VPS8: variants seen among roughly 807,000 people sequenced by gnomAD.
VPS8 encodes the protein VPS8 subunit of CORVET complex.
Under a neutral mutation model 216.4 loss-of-function variants are expected in VPS8, and 129 were observed. That is an observed-to-expected ratio of 0.60 (90% CI 0.52 to 0.69). The LOEUF (loss-of-function observed/expected upper bound fraction) is 0.69, where lower values mean the gene tolerates loss of function less well. Ranked by LOEUF, VPS8 falls within the 30% of genes least tolerant of loss-of-function variation. The pLI is 0.00. For synonymous variants in VPS8, 571 were observed against 565.4 expected (o/e 1.01, Z -0.14); for missense variants, 1,531 against 1,683.5 (o/e 0.91, Z 1.59).
At chr3:184,825,210 A>G (rs934513760) in intron 2 of VPS8, among the ~76,000 whole-genome samples, 1 of 152,126 alleles carries the variant, frequency 6.6e-6, no homozygotes, top group South Asian at 2.1e-4. Flanking sequence ...TGTATAGTCC[A>G]TTACAGTTTA....
intron 4 of VPS8, among the ~76,000 whole-genome samples, chr3:184,834,184 C>T (rs372158249): frequency 3.3e-5 from 5 of 152,058 alleles, no homozygotes; most frequent in Admixed American, 2.0e-4. Flanking sequence ...ACTTGCAGGC[C>T]GGAGGAGTGC....
intron 37 of VPS8, among the ~76,000 whole-genome samples, chr3:184,958,640 T>C (rs1746000345): frequency 6.6e-6 from 1 of 152,156 alleles, no homozygotes; most frequent in Non-Finnish European, 1.5e-5. Flanking sequence ...TGTGCAGAGC[T>C]TCAGGAAAAG....
intron 22 of VPS8, among the ~76,000 whole-genome samples, chr3:184,886,543 G>GTA (rs1414644630): frequency 7.3e-6 from 1 of 136,632 alleles, no homozygotes; most frequent in East Asian, 3.3e-4. Context: ...ACACACATAT[G>GTA]TATACACACA....
intron 7 of VPS8, 42 bp downstream of exon 7, chr3:184,839,794 C>G (rs767590747): frequency 7.1e-6 from 11 of 1,558,622 alleles, no homozygotes; most frequent in Middle Eastern, 1.7e-4. Flanking sequence ...TATTAAGTGT[C>G]CTTTTGGGTT....
At chr3:184,815,067 C>G (rs1716013286) in intron 1 of VPS8, among the ~76,000 whole-genome samples, 1 of 151,966 alleles carries the variant, frequency 6.6e-6, no homozygotes, top group South Asian at 2.1e-4. Flanking sequence ...CAGGAAGGTC[C>G]CGGTGGAATG....
chr3:185,003,300 G>A, intron 45 of VPS8, among the ~76,000 whole-genome samples: 1 of 145,070 alleles, frequency 6.9e-6, no homozygotes, highest in East Asian at 2.0e-4. Context: ...GGACCCTGCG[G>A]CCTTCCGCAG....
Position 184,981,552 on chromosome 3 carries a change from G to A in VPS8, c.3421-1014G>A, listed in dbSNP as rs62289476. Reference sequence around the variant, plus strand: ...AGGTACAAGCGATTCTCCTGCCTCAGCCTCCTGAGTAGCTGGGATTACAGG... The same window carrying A: ...AGGTACAAGCGATTCTCCTGCCTCAACCTCCTGAGTAGCTGGGATTACAGG... On this transcript the variant is annotated intron_variant, in intron 40 of 47. Coordinates refer to ENST00000625842, the MANE Select transcript of VPS8 (RefSeq NM_001009921.3). 5.8e-3 allele frequency among the ~76,000 whole-genome samples: 871 copies of A among 150,074 alleles called. 4 individuals are homozygous for A. Among genetic ancestry groups the A allele is most frequent in the Non-Finnish European group, 9.3e-3 (631 of 67,738 alleles).
At chr3:184,923,652 A>G (rs1346072874) in intron 29 of VPS8, among the ~76,000 whole-genome samples, 1 of 152,154 alleles carries the variant, frequency 6.6e-6, no homozygotes, top group Non-Finnish European at 1.5e-5. Context: ...TTAGGATGAC[A>G]TTTGAGACCT....
At chr3:185,038,325 G>C (rs542703585) in intron 46 of VPS8, among the ~76,000 whole-genome samples, 1 of 152,324 alleles carries the variant, frequency 6.6e-6, no homozygotes, top group Admixed American at 6.5e-5. Context: ...ATTGCCTGAT[G>C]ATTGCTCTAT....
At chr3:184,839,492 T>C (rs35697607) in intron 6 of VPS8, 234,607 of 546,410 alleles carry the variant, frequency 0.43, 53,952 homozygotes, top group African/African-American at 0.68. Context: ...ATAGTGTTAC[T>C]CCTAGAGTAA....
At chr3:184,861,536 G>C (rs933335212) in intron 15 of VPS8, among the ~76,000 whole-genome samples, 3 of 152,126 alleles carry the variant, frequency 2.0e-5, no homozygotes, top group African/African-American at 7.2e-5. Flanking sequence ...GAAGACATCA[G>C]TGTTGTCATC....
At chr3:184,904,250 C>T (rs1471308121) in intron 25 of VPS8, among the ~76,000 whole-genome samples, 2 of 152,172 alleles carry the variant, frequency 1.3e-5, no homozygotes, top group African/African-American at 4.8e-5. Context: ...ACTACACCCA[C>T]TAATACAGTG....
intron 40 of VPS8, among the ~76,000 whole-genome samples, chr3:184,982,175 T>A (rs1750318387): frequency 6.6e-6 from 1 of 152,140 alleles, no homozygotes; most frequent in Non-Finnish European, 1.5e-5. Flanking sequence ...GCAGCAATAG[T>A]GTTATTTTAA....
At chr3:184,931,686 T>A (rs530030528) in intron 34 of VPS8, among the ~76,000 whole-genome samples, 3 of 152,292 alleles carry the variant, frequency 2.0e-5, no homozygotes, top group African/African-American at 7.2e-5. Flanking sequence ...GAACATGGAA[T>A]ATGTTATTTA....
chr3:184,915,415 C>T lies in VPS8; in HGVS notation c.2323C>T (p.Pro775Ser). The T allele has an allele frequency of 6.2e-7, 1 of 1,613,864 alleles. No homozygotes were observed. The stretch of plus-strand genomic sequence containing the variant: ...GGCTTCTCCTGAGGAAGAAATCTAT[C>T]CTTACATTCGGACTTTGCTACATTT... ...AEASPEEEIYPYIRTLLHFDT... is the reference protein window; with the variant it reads ...AEASPEEEIYSYIRTLLHFDT... Residue 775 changes from proline (P) to serine (S), a missense_variant, in exon 28 of 48, where the codon CCT becomes TCT. Coordinates refer to ENST00000625842, the MANE Select transcript of VPS8 (RefSeq NM_001009921.3).
intron 21 of VPS8, among the ~76,000 whole-genome samples, chr3:184,883,809 G>T (rs983319955): frequency 3.9e-5 from 6 of 152,008 alleles, no homozygotes; most frequent in Non-Finnish European, 8.8e-5. Context: ...CTTATTTTAT[G>T]CCCTTAATTA....
chr3:184,943,961 G>A (rs1246550940), intron 36 of VPS8, among the ~76,000 whole-genome samples: 1 of 152,112 alleles, frequency 6.6e-6, no homozygotes, highest in African/African-American at 2.4e-5. Flanking sequence ...AATTAGCCGG[G>A]CGTGGTCACG....
chr3:184,913,431 GT>G, intron 25 of VPS8, 87 bp from the exon 26 acceptor site: 1 of 1,221,118 alleles, frequency 8.2e-7, no homozygotes, highest in Non-Finnish European at 1.2e-6. Context: ...TAAATGCCAA[GT>G]TTTATTTTTT....
intron 39 of VPS8, among the ~76,000 whole-genome samples, chr3:184,970,706 T>C (rs943364407): frequency 2.6e-5 from 4 of 152,188 alleles, no homozygotes; most frequent in Non-Finnish European, 5.9e-5. Context: ...TTTTCAGAAT[T>C]AGGAGTCCTT....
Sources: gnomAD v4.1 joint callset for allele counts (sites outside exome capture counted in the v4.1 genomes callset) on GRCh38, gnomAD v4.1.1 for gene constraint, MANE v1.5 for transcripts, NCBI Gene and HGNC (gene_info 2026-07-23, HGNC 2026-07-21) for gene names.